The following FKBP15 variants were observed in gnomAD, a reference collection of about 807,000 sequenced individuals.
The protein encoded by FKBP15 is FKBP prolyl isomerase family member 15, also known as FK506-binding protein 15.
In FKBP15, 106 loss-of-function variants were observed where a neutral mutation model predicts 158.1. That is an observed-to-expected ratio of 0.67 (90% CI 0.57 to 0.79). The LOEUF is 0.79. Among genes scored for constraint, FKBP15 ranks in the 30% least tolerant of loss-of-function variants. The pLI is 0.00. For missense variants in FKBP15, 1,287 were observed against 1,479.1 expected, an observed-to-expected ratio of 0.87 and a Z score of 2.13; for synonymous variants, 547 against 548.6, an observed-to-expected ratio of 1.00 and a Z score of 0.04.
chr9:113,162,285 G>C lies in FKBP15; in HGVS notation c.*3793C>G, dbSNP rs1830025894. On this transcript the variant is annotated 3_prime_UTR_variant, in exon 28 of 28. Transcript: ENST00000238256. Reference sequence around the variant, plus strand: ...GAAGTATTCTCATTCCTGTTTTACTGATAAGGAATCTTACGTTCAGAGAGG... The same window carrying C: ...GAAGTATTCTCATTCCTGTTTTACTCATAAGGAATCTTACGTTCAGAGAGG... The C allele has an allele frequency of 2.6e-5, 6 of 233,174 alleles. No homozygotes were observed. Among genetic ancestry groups the C allele is most frequent in the Non-Finnish European group, 8.5e-6 (1 of 118,208 alleles). The allele number at this position is 233,174 out of a possible 1,614,324, so 14.4% of individuals were successfully genotyped here. A position where few individuals can be genotyped will look rare whatever the true frequency, so the allele number is the denominator to read the frequency against.
At chr9:113,177,391 A>G (rs1830318285) in intron 20 of FKBP15, among the ~76,000 whole-genome samples, 1 of 152,234 alleles carries the variant, frequency 6.6e-6, no homozygotes, top group Non-Finnish European at 1.5e-5. Context: ...GGTAATTGTC[A>G]TAAGGCACCA....
chr9:113,177,635 T>A (rs1007132094), intron 20 of FKBP15, among the ~76,000 whole-genome samples: 9 of 152,098 alleles, frequency 5.9e-5, no homozygotes, highest in African/African-American at 1.7e-4. Flanking sequence ...ATATAAAAAA[T>A]TTTTAAAAAA....
In FKBP15 at chr9:113,169,839, TG is replaced by T. The variant is rs2118858996; in HGVS notation, c.2869del (p.Gln957ArgfsTer16). 1 of 1,558,272 alleles carries T rather than the reference TG, an allele frequency of 6.4e-7. No individual in the cohort carries two copies. The highest frequency in any genetic ancestry group is 1.2e-5 in the South Asian group (1 of 84,734). The part of the protein sequence containing the change: ...KAEERPRRPS[Q>X]EQSASASSGQ... The stretch of plus-strand genomic sequence containing the variant: ...AGAACTGGCTGAGGCTGACTGCTCC[TG>T]GGAAGGTCTTCGTGGCCGCTCTTCT... On this transcript the variant is annotated frameshift_variant, in exon 26 of 28. Coordinates refer to ENST00000238256, the MANE Select transcript of FKBP15 (RefSeq NM_015258.2). LOFTEE classifies it high-confidence loss of function.
In FKBP15 at chr9:113,163,770, C is replaced by T. The variant is rs1188917950; in HGVS notation, c.*2308G>A. 1 of 152,604 alleles carries T rather than the reference C, an allele frequency of 6.6e-6. No homozygotes were observed. Among genetic ancestry groups the T allele is most frequent in the Non-Finnish European group, 1.5e-5 (1 of 68,054 alleles). The allele number at this position is 152,604 out of a possible 1,614,324, so 9.5% of individuals were successfully genotyped here. On this transcript the variant is annotated 3_prime_UTR_variant, in exon 28 of 28. Coordinates refer to ENST00000238256, the MANE Select transcript of FKBP15 (RefSeq NM_015258.2). ...AGCTCTTCGTGGCCTCAATGCCCTC[C>T]TTTATCCTCATCTTTCTTCTATGCA...
chr9:113,212,350 G>A (rs1047240635), intron 1 of FKBP15, among the ~76,000 whole-genome samples: 5 of 151,894 alleles, frequency 3.3e-5, no homozygotes, highest in East Asian at 1.9e-4. Flanking sequence ...CACCACACCC[G>A]GCTAATTTTT....
At chr9:113,201,317 A>G (rs1015403184) in intron 6 of FKBP15, among the ~76,000 whole-genome samples, 3 of 152,140 alleles carry the variant, frequency 2.0e-5, no homozygotes, top group Non-Finnish European at 2.9e-5. Flanking sequence ...TGTAGGGGGG[A>G]AAAAAGGACA....
Position 113,183,755 on chromosome 9 carries a change from G to T in FKBP15, c.1807C>A (p.Gln603Lys). The T allele has an allele frequency of 6.2e-7, 1 of 1,610,970 alleles. No individual in the cohort carries two copies. The highest frequency in any genetic ancestry group is 8.5e-7 in the Non-Finnish European group (1 of 1,177,276). ...DKISELIERNQRYVEQSNLMM... is the reference protein window; with the variant it reads ...DKISELIERNKRYVEQSNLMM... The stretch of plus-strand genomic sequence containing the variant: ...AGGCCCCGTACCTGTCATTACCTCT[G>T]ATTTCGTTCAATTAGTTCACTAATC... Residue 603 changes from glutamine (Q) to lysine (K), a missense_variant, in exon 18 of 28, where the codon CAG becomes AAG. Coordinates refer to ENST00000238256, the MANE Select transcript of FKBP15 (RefSeq NM_015258.2).
At chr9:113,206,086 C>T (rs1830880757) in intron 4 of FKBP15, 1 of 159,082 alleles carries the variant, frequency 6.3e-6, no homozygotes, top group African/African-American at 2.4e-5. Flanking sequence ...GTGATGGTTG[C>T]TCAATCAATA....
At chr9:113,181,121 T>A in intron 19 of FKBP15, among the ~76,000 whole-genome samples, 1 of 152,226 alleles carries the variant, frequency 6.6e-6, no homozygotes, top group East Asian at 1.9e-4. Context: ...CTAAAAAATT[T>A]GTGTGAAACA....
chr9:113,211,466 T>A lies in FKBP15; in HGVS notation c.169+11A>T. 6.3e-7 allele frequency: 1 copy of A among 1,598,324 alleles called. No homozygotes were observed. Among genetic ancestry groups the A allele is most frequent in the South Asian group, 1.1e-5 (1 of 88,162 alleles). On this transcript the variant is annotated intron_variant, in intron 2 of 27. Transcript: ENST00000238256. ...TAGCCACCTCGCTCGGCTAATACAC[T>A]CTTAACTTACCTGTTGCTGCCGTTC...
rs367731670 is a variant in FKBP15, at chr9:113,184,406, A to G, written c.1609-7T>C. The G allele has an allele frequency of 5.4e-5, 85 of 1,570,168 alleles. No homozygotes were observed. The African/African-American group carries it at 8.5e-4, about 16-fold the overall frequency. ...GTTTCTGTAACTCTTCAACCTACAA[A>G]AGGGATACCAGAAAGACCTTGTGAG... On this transcript the variant is annotated splice_region_variant and splice_polypyrimidine_tract_variant and intron_variant, in intron 16 of 27. Transcript: ENST00000238256. The surrounding 1 kb of genome is among the most constrained non-coding windows in gnomAD (Gnocchi z 4.5).
intron 14 of FKBP15, 114 bp from the exon 15 acceptor site, chr9:113,186,477 T>C (rs1830488708): frequency 2.7e-6 from 2 of 753,126 alleles, no homozygotes; most frequent in Admixed American, 4.3e-5. Context: ...TCAAACTTAC[T>C]GAAGCTAGAG....
intron 8 of FKBP15, 103 bp from the exon 9 acceptor site, chr9:113,197,181 A>T: frequency 7.0e-7 from 1 of 1,420,762 alleles, no homozygotes; most frequent in Non-Finnish European, 9.6e-7. Context: ...TTTCACGTTT[A>T]CTCAGTGCCT....
Position 113,171,742 on chromosome 9 carries a change from A to AATCTGGATT in FKBP15, c.2533-37_2533-36insAATCCAGAT, listed in dbSNP as rs1554714227. 1.6e-5 allele frequency: 24 copies of AATCTGGATT among 1,470,558 alleles called. No homozygotes were observed. The South Asian group carries it at 3.4e-4, about 21-fold the overall frequency. The allele number at this position is 1,470,558 out of a possible 1,614,324, so 91.1% of individuals were successfully genotyped here. ...AACAGACTGTGGCTGTGGCCTCAGG[A>AATCTGGATT]ACCAGGTGAAGGTCAGAAAACCCAA... On this transcript the variant is annotated intron_variant, in intron 23 of 27. Coordinates refer to ENST00000238256, the MANE Select transcript of FKBP15 (RefSeq NM_015258.2).
intron 20 of FKBP15, among the ~76,000 whole-genome samples, chr9:113,178,000 G>A (rs1457504502): frequency 6.6e-6 from 1 of 152,072 alleles, no homozygotes; most frequent in Non-Finnish European, 1.5e-5. Flanking sequence ...TTTTTAAAGA[G>A]ATCAAATGTT....
chr9:113,189,607 C>T lies in FKBP15; in HGVS notation c.1173+864G>A, dbSNP rs376094056. 5.9e-5 allele frequency among the ~76,000 whole-genome samples: 9 copies of T among 152,082 alleles called. 1 individual carries two copies. The South Asian group carries it at 1.9e-3, about 32-fold the overall frequency. On this transcript the variant is annotated intron_variant, in intron 12 of 27. Coordinates refer to ENST00000238256, the MANE Select transcript of FKBP15 (RefSeq NM_015258.2). ...CCTATCTTCCTTTAAGATGTTAAAT[C>T]TACATAGAGCTTTTCCAAGAAATAA...
At position 113,162,368 on chromosome 9, in the gene FKBP15, C is replaced by T. The variant is rs936760038; in HGVS notation, c.*3710G>A. 7.0e-5 allele frequency: 15 copies of T among 215,094 alleles called. No individual in the cohort carries two copies. The highest frequency in any genetic ancestry group is 3.3e-4 in the African/African-American group (14 of 42,366). 13.3% of individuals were successfully genotyped at this position (215,094 alleles called of 1,614,324 possible). A position where few individuals can be genotyped will look rare whatever the true frequency, so the allele number is the denominator to read the frequency against. On this transcript the variant is annotated 3_prime_UTR_variant, in exon 28 of 28. Transcript: ENST00000238256. The stretch of plus-strand genomic sequence containing the variant: ...TGGCAGGTCTAGGAACTGATAATGT[C>T]ACCTAAGACCATGCTTTTTCTTTCC...
At chr9:113,194,254 T>C in intron 9 of FKBP15, 85 bp from the exon 10 acceptor site, 1 of 1,047,224 alleles carries the variant, frequency 9.5e-7, no homozygotes, top group Non-Finnish European at 1.4e-6. Context: ...CATCACACTC[T>C]GGGGACTGTT....
chr9:113,211,264 T>C (rs1032079765), intron 2 of FKBP15, among the ~76,000 whole-genome samples: 1 of 152,178 alleles, frequency 6.6e-6, no homozygotes, highest in Non-Finnish European at 1.5e-5. Flanking sequence ...GTTCAAGAGA[T>C]CCTCCGGCCT....
Sources: gnomAD v4.1 joint callset for allele counts (sites outside exome capture counted in the v4.1 genomes callset) on GRCh38, gnomAD v4.1.1 for gene constraint, Gnocchi (gnomAD v3.1) non-coding constraint, MANE v1.5 for transcripts, NCBI Gene and HGNC (gene_info 2026-07-23, HGNC 2026-07-21) for gene names.